Variants in COL16A1 observed in about 807,000 individuals in gnomAD.
COL16A1 encodes collagen alpha-1(XVI) chain.
In COL16A1, 189 loss-of-function variants were observed where a neutral mutation model predicts 266.3. That is an observed-to-expected ratio of 0.71 (90% CI 0.63 to 0.80). The LOEUF (loss-of-function observed/expected upper bound fraction) is 0.80. Ranked by LOEUF, COL16A1 falls within the 30% of genes least tolerant of loss-of-function variation. The probability of loss-of-function intolerance (pLI) is 0.00; values close to 1 mark genes in which losing one functional copy is unlikely to be tolerated. For synonymous variants in COL16A1, 740 were observed against 782.3 expected, an observed-to-expected ratio of 0.95 and a Z score of 0.90; for missense variants, 1,928 against 2,122.4, an observed-to-expected ratio of 0.91 and a Z score of 1.80.
Position 31,679,973 on chromosome 1 carries a change from TG to T in COL16A1, c.2670+68del, listed in dbSNP as rs548879498. 110 of 1,597,402 alleles carry T rather than the reference TG, an allele frequency of 6.9e-5. No homozygotes were observed. The African/African-American group carries it at 1.3e-3, about 19-fold the overall frequency. ...GTGGCCCTGCGGGGCCTTTGCACAC[TG>T]GGCACCAGACGAGGCTGAAGCTGGT... On this transcript the variant is annotated intron_variant, in intron 40 of 70. Transcript: ENST00000373672.
chr1:31,690,625 G>A lies in COL16A1; in HGVS notation c.1438-52C>T, dbSNP rs373675211. ...GGAGCCTTCTGGCCAATGCAATCTC[G>A]GTGCGTTCCCCCTTCCCCACCCGTG... On this transcript the variant is annotated intron_variant, in intron 20 of 70. Coordinates refer to ENST00000373672, the MANE Select transcript of COL16A1 (RefSeq NM_001856.4). The A allele has an allele frequency of 9.3e-5, 148 of 1,598,994 alleles. No homozygotes were observed. The African/African-American group carries it at 1.6e-3, about 18-fold the overall frequency.
rs1643770093 is a variant in COL16A1, at chr1:31,683,188, G to A, written c.2469+6C>T. ...AGGCCCAATACCCATGGAGGCAGAG[G>A]CTCACCTGGGCACCCTTCTCTCCAG... On this transcript the variant is annotated splice_donor_region_variant and intron_variant, in intron 36 of 70. Transcript: ENST00000373672. 6.2e-7 allele frequency: 1 copy of A among 1,613,996 alleles called. No homozygotes were observed. The highest frequency in any genetic ancestry group is 8.5e-7 in the Non-Finnish European group (1 of 1,180,026).
Position 31,689,202 on chromosome 1 carries a change from T to TC in COL16A1, c.1621-118dup. On this transcript the variant is annotated intron_variant, in intron 23 of 70. Transcript: ENST00000373672. ...CGCAAACCGTCCAAACACCTAGGGG[T>TC]CCCATGGGGTCCAAGGCCAGCACCC... The TC allele has an allele frequency of 2.0e-6, 3 of 1,516,982 alleles. No homozygotes were observed. In the Admixed American group the frequency reaches 5.9e-5, roughly 30 times the overall value. The allele number at this position is 1,516,982 out of a possible 1,614,324, so 94.0% of individuals were successfully genotyped here.
At chr1:31,703,076 G>A (rs1382171243) in intron 1 of COL16A1, among the ~76,000 whole-genome samples, 1 of 152,140 alleles carries the variant, frequency 6.6e-6, no homozygotes, top group East Asian at 1.9e-4. Flanking sequence ...ATGTACATAA[G>A]GACACATATG....
intron 66 of COL16A1, chr1:31,655,787 C>T (rs1641086152): frequency 4.4e-6 from 2 of 456,462 alleles, no homozygotes; most frequent in African/African-American, 2.0e-5. Context: ...TGGTCCTGAT[C>T]GTTCCTTCCT....
intron 8 of COL16A1, 62 bp downstream of exon 8, chr1:31,696,901 C>CA (rs1644526486): frequency 2.5e-6 from 4 of 1,605,394 alleles, no homozygotes; most frequent in Non-Finnish European, 3.4e-6. Context: ...TCAGTCAGCT[C>CA]AGGGGAGGGG....
At chr1:31,659,466 G>A (rs942431060) in intron 62 of COL16A1, among the ~76,000 whole-genome samples, 31 of 152,224 alleles carry the variant, frequency 2.0e-4, no homozygotes, top group Middle Eastern at 3.4e-3. Context: ...TGGAGCGCAC[G>A]GGACTCCAAC....
chr1:31,655,576 C>A, intron 66 of COL16A1, 74 bp from the exon 67 acceptor site: 1 of 1,580,252 alleles, frequency 6.3e-7, no homozygotes, highest in Non-Finnish European at 8.6e-7. Flanking sequence ...TCTCTCCACC[C>A]TCCCACCAGG....
intron 20 of COL16A1, 150 bp from the exon 21 acceptor site, chr1:31,690,723 G>A (rs1248600945): frequency 7.6e-7 from 1 of 1,324,192 alleles, no homozygotes; most frequent in Non-Finnish European, 1.0e-6. Context: ...GGTTCCTGTT[G>A]CCTGCCCTCC....
chr1:31,689,902 G>A (rs1160320824), intron 22 of COL16A1, 51 bp from the exon 23 acceptor site: 1 of 1,521,824 alleles, frequency 6.6e-7, no homozygotes, highest in Non-Finnish European at 9.1e-7. Context: ...GAGACCCCAG[G>A]GAAGGCAAGG....
In COL16A1 at chr1:31,657,280, G is replaced by A; in HGVS notation, c.4021-212C>T. Reference sequence around the variant, plus strand: ...GATCCCAGAGCCCCAACAGCTCCCAGCCCCCGTCTACAAGAGCTTTACAAG... The same window carrying A: ...GATCCCAGAGCCCCAACAGCTCCCAACCCCCGTCTACAAGAGCTTTACAAG... On this transcript the variant is annotated intron_variant, in intron 64 of 70. Coordinates refer to ENST00000373672, the MANE Select transcript of COL16A1 (RefSeq NM_001856.4). The surrounding 1 kb of genome is among the most constrained non-coding windows in gnomAD (Gnocchi z 6.4). 1.7e-6 allele frequency: 1 copy of A among 604,910 alleles called. No homozygotes were observed. The highest frequency in any genetic ancestry group is 2.0e-5 in the South Asian group (1 of 49,592). The allele number at this position is 604,910 out of a possible 1,614,324, so 37.5% of individuals were successfully genotyped here.
rs761735587 is a variant in COL16A1 at position 31,693,124 on chromosome 1, G to C, written c.1039C>G (p.Pro347Ala). 18 of 1,611,244 alleles carry C rather than the reference G, an allele frequency of 1.1e-5. No homozygotes were observed. Among genetic ancestry groups the C allele is most frequent in the Non-Finnish European group, 1.4e-5 (17 of 1,177,684 alleles). ...CCCTTCTCTCCCTTGGAGCCTGGTG[G>C]ACCAGGCAGGCCCCGCTCACCTTTC... The part of the protein sequence containing the change: ...GGKGERGLPG[P>A]PGSKGEKGAR... The change falls in exon 13 of 71, where the codon CCA (proline) becomes GCA (alanine). Residue 347 changes from proline to alanine, a missense_variant. By Grantham distance (27) the Pro-to-Ala change is conservative. This residue lies in a region of COL16A1 where 1,552 missense variants were observed against 1,637.2 expected (regional missense o/e 0.95). Coordinates refer to ENST00000373672, the MANE Select transcript of COL16A1 (RefSeq NM_001856.4).
intron 28 of COL16A1, 36 bp downstream of exon 28, chr1:31,686,055 C>G: frequency 6.2e-7 from 1 of 1,612,100 alleles, no homozygotes; most frequent in Non-Finnish European, 8.5e-7. Flanking sequence ...AGGAAGCTCA[C>G]CCAGGCTGCA....
At position 31,699,134 on chromosome 1, in the gene COL16A1, C is replaced by CAAACA. The variant is rs1644623365; in HGVS notation, c.267-529_267-528insTGTTT. Among the ~76,000 whole-genome samples, 3 of 140,498 alleles carry CAAACA rather than the reference C, an allele frequency of 2.1e-5. No homozygotes were observed. In the South Asian group the frequency reaches 6.3e-4, roughly 30 times the overall value. 92.2% of individuals were successfully genotyped at this position (140,498 alleles called of 152,430 possible). A position where few individuals can be genotyped will look rare whatever the true frequency, so the allele number is the denominator to read the frequency against. ...CCAACCAACCAAACAAACAAACAAA[C>CAAACA]AAAAAACCCACATACACAGTGGTGA... On this transcript the variant is annotated intron_variant, in intron 4 of 70. Coordinates refer to ENST00000373672, the MANE Select transcript of COL16A1 (RefSeq NM_001856.4).
chr1:31,691,409 G>T lies in COL16A1; in HGVS notation c.1398+8C>A. ...AAAGCACAGCAGGAGAAGCAAGGGG[G>T]TACTCACCGGGGTCCCAGGCAGTCC... On this transcript the variant is annotated splice_region_variant and intron_variant, in intron 19 of 70. Transcript: ENST00000373672. The T allele has an allele frequency of 6.2e-7, 1 of 1,607,642 alleles. No homozygotes were observed. Among genetic ancestry groups the T allele is most frequent in the Non-Finnish European group, 8.5e-7 (1 of 1,176,302 alleles).
At chr1:31,655,587 C>A in intron 66 of COL16A1, 85 bp from the exon 67 acceptor site, 1 of 1,570,750 alleles carries the variant, frequency 6.4e-7, no homozygotes, top group Non-Finnish European at 8.6e-7. Context: ...TCCCACCAGG[C>A]CCCCAGCGTC....
At chr1:31,699,651 C>T (rs751493736) in intron 4 of COL16A1, among the ~76,000 whole-genome samples, 162 bp downstream of exon 4, 1 of 152,218 alleles carries the variant, frequency 6.6e-6, no homozygotes, top group Non-Finnish European at 1.5e-5. Context: ...ACCTCTCAGC[C>T]CACCCTGCAA....
At chr1:31,686,914 G>A (rs1406836880) in intron 26 of COL16A1, among the ~76,000 whole-genome samples, 7 of 152,200 alleles carry the variant, frequency 4.6e-5, no homozygotes, top group Admixed American at 2.6e-4. Flanking sequence ...AAGAAGATCC[G>A]CACGGCTAAA....
rs943217764 is a variant in COL16A1 at position 31,661,233 on chromosome 1, C to T, written c.3772-114G>A. 2.6e-5 allele frequency: 38 copies of T among 1,463,360 alleles called. No individual in the cohort carries two copies. In the Admixed American group the frequency reaches 6.0e-4, roughly 23 times the overall value. The allele number at this position is 1,463,360 out of a possible 1,614,324, so 90.6% of individuals were successfully genotyped here. A position where few individuals can be genotyped will look rare whatever the true frequency, so the allele number is the denominator to read the frequency against. ...CCTGCCCCAGCTTTGGCCAGAGGCC[C>T]TCTGATGCCCTCCAGCTGGTAGACA... On this transcript the variant is annotated intron_variant, in intron 60 of 70. Coordinates refer to ENST00000373672, the MANE Select transcript of COL16A1 (RefSeq NM_001856.4).
Sources: allele counts gnomAD v4.1 joint callset (sites outside exome capture counted in the v4.1 genomes callset), GRCh38; gene constraint gnomAD v4.1.1; regional missense constraint gnomAD v4.1.1; non-coding constraint Gnocchi (gnomAD v3.1); transcripts MANE v1.5; gene names NCBI Gene and HGNC (gene_info 2026-07-23, HGNC 2026-07-21).